The following DET1 variants were observed in gnomAD, a reference collection of about 807,000 sequenced individuals.
DET1 encodes the protein DET1 partner of COP1 E3 ubiquitin ligase, also known as DET1 homolog.
In DET1, 22 loss-of-function variants were observed where a neutral mutation model predicts 43.7. That is an observed-to-expected ratio of 0.50 (90% confidence interval 0.36 to 0.72). The LOEUF is 0.72. Ranked by LOEUF, DET1 falls within the 30% of genes least tolerant of loss-of-function variation. The pLI is 0.00. For synonymous variants in DET1, 315 were observed against 266.2 expected (o/e 1.18, Z -1.79); for missense variants, 713 against 713.3 (o/e 1.00, Z 0.00).
At chr15:88,539,094 GCT>G (rs35379111) in intron 1 of DET1, among the ~76,000 whole-genome samples, 102,796 of 147,896 alleles carry the variant, frequency 0.7, 35,809 homozygotes, top group South Asian at 0.8. Context: ...CTGGCAGACC[GCT>G]CTCTCTCTCT....
chr15:88,513,088 A>G lies in DET1; in HGVS notation c.1516T>C (p.Leu506=). The G allele has an allele frequency of 1.2e-6, 2 of 1,613,996 alleles. No individual in the cohort carries two copies. Among genetic ancestry groups the G allele is most frequent in the Non-Finnish European group, 1.7e-6 (2 of 1,179,860 alleles). ...ACTGTGTGGTTGATGGGGCGGCCCA[A>G]TAACCCCGCCTGGATCTCAAACTTG... The part of the protein sequence containing the change: ...LLKFEIQAGL[L]GRPINHTVRR... The change falls in exon 5 of 5, where the codon TTG becomes CTG. Residue 506 remains leucine (L), a synonymous_variant. Transcript: ENST00000268148.
At chr15:88,514,396 C>T (rs2142257509) in intron 4 of DET1, among the ~76,000 whole-genome samples, 1 of 152,186 alleles carries the variant, frequency 6.6e-6, no homozygotes. Flanking sequence ...ATAAGCAGAC[C>T]TAAAGATATT....
rs146270830 is a variant in DET1, at chr15:88,515,947, T to C, written c.1463+835A>G. Among the ~76,000 whole-genome samples, 441 of 152,340 alleles carry C rather than the reference T, an allele frequency of 2.9e-3. 2 individuals are homozygous for C. The highest frequency in any genetic ancestry group is 0.01 in the African/African-American group (416 of 41,580). On this transcript the variant is annotated intron_variant, in intron 4 of 4. Transcript: ENST00000268148. The stretch of plus-strand genomic sequence containing the variant: ...TTTCCATAATAAAAAAAATATTAAC[T>C]AGTTTTTGGAACTTGACTCTAATTT...
At chr15:88,511,007 C>T (rs2056194435), downstream of DET1, among the ~76,000 whole-genome samples, 2 of 152,060 alleles carry the variant, frequency 1.3e-5, no homozygotes, top group Admixed American at 6.5e-5. Flanking sequence ...CTCCTGATCT[C>T]GTGATCCGCC....
intron 1 of DET1, among the ~76,000 whole-genome samples, chr15:88,535,010 G>C (rs1231377753): frequency 6.6e-6 from 1 of 152,216 alleles, no homozygotes; most frequent in South Asian, 2.1e-4. Context: ...CTCTGAGACA[G>C]ATTTTGAAGT....
chr15:88,527,520 G>T, intron 3 of DET1, 79 bp downstream of exon 3: 1 of 1,340,192 alleles, frequency 7.5e-7, no homozygotes, highest in Non-Finnish European at 1.0e-6. Flanking sequence ...AGAATAAGAG[G>T]TTTCCTAGAG....
At chr15:88,520,925 C>T (rs1352501102) in intron 3 of DET1, among the ~76,000 whole-genome samples, 1 of 152,210 alleles carries the variant, frequency 6.6e-6, no homozygotes, top group Non-Finnish European at 1.5e-5. Flanking sequence ...GGTATCCCTG[C>T]TGCCACCCTA....
Position 88,516,757 on chromosome 15 carries a change from TG to T in DET1, c.1463+24del. The T allele has an allele frequency of 1.3e-6, 2 of 1,512,550 alleles. No individual in the cohort carries two copies. Among genetic ancestry groups the T allele is most frequent in the Non-Finnish European group, 1.8e-6 (2 of 1,134,610 alleles). The allele number at this position is 1,512,550 out of a possible 1,614,324, so 93.7% of individuals were successfully genotyped here. ...GGCCATCTTCAGCCCTTGAGCAGTT[TG>T]TAGCTATAGCAGTGACACTGTACCT... is the stretch of plus-strand genomic sequence containing the variant. On this transcript the variant is annotated intron_variant, in intron 4 of 4. Coordinates refer to ENST00000268148, the MANE Select transcript of DET1 (RefSeq NM_001144074.3). This position sits in a 1 kb window ranked among gnomAD's most constrained non-coding sequence, Gnocchi z 4.4.
chr15:88,532,303 A>T (rs1247058344), intron 1 of DET1, among the ~76,000 whole-genome samples: 1 of 51,828 alleles, frequency 1.9e-5, no homozygotes, highest in African/African-American at 4.2e-5. Flanking sequence ...ACTCTATCTC[A>T]AACAAACAAA....
intron 1 of DET1, among the ~76,000 whole-genome samples, chr15:88,535,245 T>C (rs2056917087): frequency 6.6e-6 from 1 of 152,002 alleles, no homozygotes; most frequent in South Asian, 2.1e-4. Flanking sequence ...AAAAACTCAC[T>C]GATGGGCTCA....
chr15:88,536,312 CT>C, intron 1 of DET1: 1 of 778,024 alleles, frequency 1.3e-6, no homozygotes, highest in Non-Finnish European at 2.4e-6. Flanking sequence ...AGTTGTTTAC[CT>C]TTTTAGTATC....
chr15:88,541,399 G>T (rs1048134676), intron 1 of DET1, among the ~76,000 whole-genome samples: 12 of 151,106 alleles, frequency 7.9e-5, no homozygotes, highest in Non-Finnish European at 1.2e-4. Context: ...CTGAACGCTG[G>T]TTCCCCGGGT....
At chr15:88,522,993 T>C (rs536789929) in intron 3 of DET1, among the ~76,000 whole-genome samples, 1 of 151,928 alleles carries the variant, frequency 6.6e-6, no homozygotes, top group East Asian at 1.9e-4. Context: ...GCAATCTTCC[T>C]GCCTCAGCCC....
At chr15:88,545,107 C>A (rs1326674310) in intron 1 of DET1, among the ~76,000 whole-genome samples, 2 of 152,062 alleles carry the variant, frequency 1.3e-5, no homozygotes, top group African/African-American at 2.4e-5. Flanking sequence ...ACTTAGCCAC[C>A]TACTCTGGGG....
intron 1 of DET1, among the ~76,000 whole-genome samples, chr15:88,540,034 C>A (rs1384865987): frequency 6.6e-6 from 1 of 152,150 alleles, no homozygotes; most frequent in East Asian, 1.9e-4. Flanking sequence ...TTAAAAATGA[C>A]CTGAGTGGTC....
At position 88,535,623 on chromosome 15, in the gene DET1, G is replaced by A. The variant is rs757033453; in HGVS notation, c.-10-3908C>T. On this transcript the variant is annotated intron_variant, in intron 1 of 4. Transcript: ENST00000268148. Reference sequence around the variant, plus strand: ...ATACAAAAAGTAGCCGGGCACAGTGGTGTGCACTTGTAGTCACAGCTACTC... The same window carrying A: ...ATACAAAAAGTAGCCGGGCACAGTGATGTGCACTTGTAGTCACAGCTACTC... 3.2e-4 allele frequency among the ~76,000 whole-genome samples: 48 copies of A among 151,996 alleles called. 2 individuals carry two copies. The highest frequency in any genetic ancestry group is 2.2e-4 in the Non-Finnish European group (15 of 67,998).
intron 3 of DET1, among the ~76,000 whole-genome samples, chr15:88,523,997 C>T (rs934018707): frequency 1.3e-5 from 2 of 150,670 alleles, no homozygotes; most frequent in African/African-American, 2.5e-5. Flanking sequence ...AAGTGAGGAG[C>T]GCCTCTTCCC....
At position 88,527,314 on chromosome 15, in the gene DET1, A is replaced by G. The variant is rs535282331; in HGVS notation, c.1271+285T>C. ...TGATTTTCTTATTCATTCAATAAAC[A>G]TAAGTGCTTGACAGTGTACCACTGA... is the stretch of plus-strand genomic sequence containing the variant. On this transcript the variant is annotated intron_variant, in intron 3 of 4. Transcript: ENST00000268148. Among the ~76,000 whole-genome samples the G allele has an allele frequency of 5.3e-5, 8 of 152,370 alleles. 1 individual carries two copies. Among genetic ancestry groups the G allele is most frequent in the East Asian group, 3.9e-4 (2 of 5,192 alleles).
In DET1 at chr15:88,531,082, C is replaced by T. The variant is rs376016283; in HGVS notation, c.624G>A (p.Thr208=). 18 of 1,613,798 alleles carry T rather than the reference C, an allele frequency of 1.1e-5. No homozygotes were observed. The highest frequency in any genetic ancestry group is 8.0e-5 in the African/African-American group (6 of 74,890). The change falls in exon 2 of 5, where the codon ACG becomes ACA. Residue 208 remains threonine, a synonymous_variant. Transcript: ENST00000268148. This position sits in a 1 kb window ranked among gnomAD's most constrained non-coding sequence, Gnocchi z 6.2. ...LHTGRLCDTR[T]FKCDKVVLSH... is the part of the protein sequence containing the mutation. ...ACAAGACCACCTTGTCACACTTGAACGTGCGTGTATCACATAAGCGGCCGG... is the reference window on the plus strand; with the variant it reads ...ACAAGACCACCTTGTCACACTTGAATGTGCGTGTATCACATAAGCGGCCGG...
Sources: allele counts gnomAD v4.1 joint callset (sites outside exome capture counted in the v4.1 genomes callset), GRCh38; gene constraint gnomAD v4.1.1; non-coding constraint Gnocchi (gnomAD v3.1); transcripts MANE v1.5; gene names NCBI Gene and HGNC (gene_info 2026-07-23, HGNC 2026-07-21).